The following DNAH5 variants were observed in gnomAD, a reference collection of about 807,000 sequenced individuals.
DNAH5 encodes axonemal beta dynein heavy chain 5.
Under a neutral mutation model 518.2 loss-of-function variants are expected in DNAH5, and 372 were observed. That is an observed-to-expected ratio of 0.72 (90% CI 0.66 to 0.78). The LOEUF is 0.78. DNAH5 is among the 30% of genes least tolerant of loss of function. The pLI is 0.00. For synonymous variants in DNAH5, 2,039 were observed against 2,025.9 expected (o/e 1.01, Z -0.17); for missense variants, 5,523 against 5,687.0 (o/e 0.97, Z 0.93).
intron 75 of DNAH5, among the ~76,000 whole-genome samples, chr5:13,713,709 AG>A (rs1302796941): frequency 2.0e-5 from 3 of 151,274 alleles, no homozygotes; most frequent in Non-Finnish European, 4.4e-5. Context: ...GAGGGGGGCG[AG>A]GAATAAAAGA....
chr5:13,839,209 A>G (rs1764821285), intron 35 of DNAH5, 147 bp downstream of exon 35: 1 of 705,052 alleles, frequency 1.4e-6, no homozygotes, highest in African/African-American at 1.8e-5. Context: ...CCCATGTGAA[A>G]AGAAAGCTGA....
At position 13,817,716 on chromosome 5, in the gene DNAH5, T is replaced by C. The variant is rs17265718; in HGVS notation, c.6842-22A>G. 70,287 of 1,612,932 alleles carry C rather than the reference T, an allele frequency of 0.044. 1,827 individuals carry two copies. Among genetic ancestry groups the C allele is most frequent in the South Asian group, 0.053 (4,787 of 91,014 alleles). On this transcript the variant is annotated intron_variant, in intron 41 of 78. Transcript: ENST00000265104. ...CAATCTATACCAAGTAAATCCAAAT[T>C]TTAGACATCTCAGATGGGAAGTGAA... is the stretch of plus-strand genomic sequence containing the variant.
intron 78 of DNAH5, among the ~76,000 whole-genome samples, chr5:13,693,008 C>A (rs943902254): frequency 6.6e-6 from 1 of 152,108 alleles, no homozygotes; most frequent in Non-Finnish European, 1.5e-5. Context: ...GGAGTTTAAG[C>A]CTCATTAGCT....
Position 13,746,429 on chromosome 5 carries a change from G to C in DNAH5, c.11211+4649C>G, listed in dbSNP as rs183035140. On this transcript the variant is annotated intron_variant, in intron 65 of 78. Coordinates refer to ENST00000265104, the MANE Select transcript of DNAH5 (RefSeq NM_001369.3). The stretch of plus-strand genomic sequence containing the variant: ...TTTATTATACCTAAGGGTGATATCT[G>C]AATGCATGAAAGAGGGAGGACAGGC... 8.5e-5 allele frequency among the ~76,000 whole-genome samples: 13 copies of C among 152,194 alleles called. 1 individual carries two copies. The highest frequency in any genetic ancestry group is 8.5e-4 in the Admixed American group (13 of 15,258).
intron 47 of DNAH5, among the ~76,000 whole-genome samples, chr5:13,803,368 C>A (rs1425265105): frequency 6.6e-6 from 1 of 152,038 alleles, no homozygotes; most frequent in African/African-American, 2.4e-5. Context: ...TGTCAAAAAT[C>A]ACATGAAAAT....
At chr5:13,859,318 T>A (rs923255543) in intron 30 of DNAH5, 134 bp downstream of exon 30, 2 of 934,092 alleles carry the variant, frequency 2.1e-6, no homozygotes, top group South Asian at 2.9e-5. Context: ...AATAACAGCA[T>A]TAACAGTGAC....
At chr5:13,770,669 A>G (rs574987547) in intron 56 of DNAH5, 80 bp downstream of exon 56, 9 of 1,334,184 alleles carry the variant, frequency 6.7e-6, no homozygotes, top group South Asian at 2.4e-5. Flanking sequence ...CGGTCATTGC[A>G]AAATAGCCAC....
chr5:13,768,821 AAAT>A, intron 58 of DNAH5, 136 bp downstream of exon 58: 1 of 1,007,960 alleles, frequency 9.9e-7, no homozygotes, highest in Non-Finnish European at 1.5e-6. Flanking sequence ...CTCAAGCAGA[AAAT>A]ATTACTTGAA....
chr5:13,700,008 A>C (rs568330373), intron 78 of DNAH5, among the ~76,000 whole-genome samples: 51 of 152,220 alleles, frequency 3.4e-4, no homozygotes, highest in Non-Finnish European at 6.6e-4. Flanking sequence ...CAGCTTTGAT[A>C]ATTTTGTTTA....
chr5:13,912,070 T>C (rs1330405408), intron 11 of DNAH5, among the ~76,000 whole-genome samples: 2 of 152,166 alleles, frequency 1.3e-5, no homozygotes, highest in Non-Finnish European at 1.5e-5. Context: ...ACTAGGAAAG[T>C]ACAAACTAGG....
chr5:13,760,207 A>C (rs1209066082), intron 60 of DNAH5, among the ~76,000 whole-genome samples: 4 of 152,324 alleles, frequency 2.6e-5, no homozygotes, highest in South Asian at 2.1e-4. Flanking sequence ...CTAGTACTTT[A>C]CTCACCAATA....
At chr5:13,972,985 C>G (rs565462455) in intron 1 of DNAH5, among the ~76,000 whole-genome samples, 4 of 152,134 alleles carry the variant, frequency 2.6e-5, no homozygotes, top group African/African-American at 9.7e-5. Context: ...TTTCTAATCT[C>G]GGAAGCCTGT....
intron 76 of DNAH5, among the ~76,000 whole-genome samples, chr5:13,704,353 G>A (rs1189514028): frequency 6.6e-6 from 1 of 152,208 alleles, no homozygotes; most frequent in East Asian, 1.9e-4. Flanking sequence ...TCGCTTCACA[G>A]GGAAGTCTCT....
intron 1 of DNAH5, among the ~76,000 whole-genome samples, chr5:13,964,476 A>G (rs962998205): frequency 7.2e-5 from 11 of 152,224 alleles, no homozygotes; most frequent in African/African-American, 2.4e-4. Context: ...CAGAAACTAG[A>G]TGGGAACCAA....
intron 30 of DNAH5, among the ~76,000 whole-genome samples, chr5:13,858,743 A>T (rs1485544559): frequency 6.6e-6 from 1 of 152,194 alleles, no homozygotes; most frequent in Non-Finnish European, 1.5e-5. Flanking sequence ...TAAACTGAAA[A>T]CTAACCAAAA....
intron 31 of DNAH5, among the ~76,000 whole-genome samples, chr5:13,847,623 C>T (rs772542316): frequency 5.3e-5 from 8 of 151,152 alleles, no homozygotes; most frequent in Non-Finnish European, 1.0e-4. Context: ...ACTCAAGAGG[C>T]TAAGGTGGGA....
intron 1 of DNAH5, among the ~76,000 whole-genome samples, chr5:13,969,204 C>G (rs1781721647): frequency 6.6e-6 from 1 of 152,130 alleles, no homozygotes; most frequent in Non-Finnish European, 1.5e-5. Flanking sequence ...TGGATCTTCT[C>G]TCTTCTCTTC....
intron 36 of DNAH5, among the ~76,000 whole-genome samples, 168 bp downstream of exon 36, chr5:13,830,429 G>A (rs1188254179): frequency 1.3e-5 from 2 of 152,024 alleles, no homozygotes; most frequent in Non-Finnish European, 1.5e-5. Context: ...AAAAAGTCAG[G>A]AGGAAGTAAC....
intron 40 of DNAH5, among the ~76,000 whole-genome samples, chr5:13,822,822 G>A (rs971509060): frequency 2.6e-5 from 4 of 151,944 alleles, no homozygotes; most frequent in African/African-American, 7.2e-5. Context: ...CCCAGAGTCT[G>A]AGCAAGAAGC....
Sources: gnomAD v4.1 joint callset for allele counts (sites outside exome capture counted in the v4.1 genomes callset) on GRCh38, gnomAD v4.1.1 for gene constraint, MANE v1.5 for transcripts, NCBI Gene and HGNC (gene_info 2026-07-23, HGNC 2026-07-21) for gene names.